The following SEC14L4 variants were observed in gnomAD, a reference collection of about 807,000 sequenced individuals.
SEC14L4 encodes the protein SEC14-like protein 4.
In SEC14L4, 42 loss-of-function variants were observed where a neutral mutation model predicts 55.1. That is an observed-to-expected ratio of 0.76 (90% CI 0.60 to 0.99). SEC14L4 has a LOEUF of 0.99. SEC14L4 is among the 50% of genes least tolerant of loss of function. The pLI is 0.00. For synonymous variants in SEC14L4, 206 were observed against 206.8 expected, an observed-to-expected ratio of 1.00 and a Z score of 0.03; for missense variants, 445 against 512.1, an observed-to-expected ratio of 0.87 and a Z score of 1.27.
Position 30,494,849 on chromosome 22 carries a change from C to G in SEC14L4, c.519+17G>C. The G allele has an allele frequency of 6.3e-7, 1 of 1,591,454 alleles. No homozygotes were observed. The highest frequency in any genetic ancestry group is 1.1e-5 in the South Asian group (1 of 90,500). ...AGCCACTGCCCACACCAGCCCCAAG[C>G]CAGCCACCCACCTTACCTGCTGGTA... On this transcript the variant is annotated intron_variant, in intron 6 of 11. Transcript: ENST00000255858.
intron 2 of SEC14L4, among the ~76,000 whole-genome samples, chr22:30,498,401 C>T (rs553977446): frequency 5.3e-5 from 8 of 152,158 alleles, no homozygotes; most frequent in African/African-American, 1.4e-4. Flanking sequence ...ATGCCCTGCC[C>T]GCTACTGATT....
intron 11 of SEC14L4, 158 bp from the exon 12 acceptor site, chr22:30,490,404 TG>T (rs1734147782): frequency 8.1e-6 from 10 of 1,234,128 alleles, no homozygotes; most frequent in Non-Finnish European, 1.1e-5. Flanking sequence ...TCCAGGACAG[TG>T]GGTGGGGCCT....
At position 30,494,211 on chromosome 22, in the gene SEC14L4, C is replaced by T; in HGVS notation, c.520-1G>A. 1.9e-6 allele frequency: 3 copies of T among 1,613,016 alleles called. No individual in the cohort carries two copies. Among genetic ancestry groups the T allele is most frequent in the Non-Finnish European group, 2.5e-6 (3 of 1,178,976 alleles). On this transcript the variant is annotated splice_acceptor_variant, in intron 6 of 11. Transcript: ENST00000255858. LOFTEE classifies it high-confidence loss of function. ...AATTTGCTTCCAGGATGCTAAAAAA[C>T]TGTGGAGTCAAGATGAGTCTGGTTG...
Position 30,505,657 on chromosome 22 carries a change from C to T in SEC14L4, c.-46G>A, listed in dbSNP as rs1338232043. On this transcript the variant is annotated 5_prime_UTR_variant, in exon 1 of 12. Transcript: ENST00000255858. ...GGCTCAGGGCGCAGGTCCGCCCGCC[C>T]GCCGCCGCCTGGCCTTGTATCCGCT... 3 of 1,501,568 alleles carry T rather than the reference C, an allele frequency of 2.0e-6. No homozygotes were observed. The highest frequency in any genetic ancestry group is 2.1e-5 in the Admixed American group (1 of 48,334). The allele number at this position is 1,501,568 out of a possible 1,614,324, so 93.0% of individuals were successfully genotyped here. A position where few individuals can be genotyped will look rare whatever the true frequency, so the allele number is the denominator to read the frequency against.
intron 2 of SEC14L4, among the ~76,000 whole-genome samples, chr22:30,503,260 GTTTT>G (rs1382473626): frequency 6.7e-6 from 1 of 149,872 alleles, no homozygotes; most frequent in Admixed American, 6.7e-5. Flanking sequence ...TGTGTTTTTT[GTTTT>G]TTTGTTTTTT....
At position 30,495,191 on chromosome 22, in the gene SEC14L4, C is replaced by T. The variant is rs545926407; in HGVS notation, c.423+63G>A. 1.3e-5 allele frequency: 19 copies of T among 1,455,290 alleles called. No individual in the cohort carries two copies. The South Asian group carries it at 2.3e-4, about 18-fold the overall frequency. 90.1% of individuals were successfully genotyped at this position (1,455,290 alleles called of 1,614,324 possible). A position where few individuals can be genotyped will look rare whatever the true frequency, so the allele number is the denominator to read the frequency against. On this transcript the variant is annotated intron_variant, in intron 5 of 11. Transcript: ENST00000255858. ...GGGCTGGGGAGGGGCAGGGTGCCACCCTTCTCTGGTCCTGGTGCCACCCTG... is the reference window on the plus strand; with the variant it reads ...GGGCTGGGGAGGGGCAGGGTGCCACTCTTCTCTGGTCCTGGTGCCACCCTG...
intron 8 of SEC14L4, 154 bp from the exon 9 acceptor site, chr22:30,492,309 GC>G: frequency 8.4e-7 from 1 of 1,186,396 alleles, no homozygotes; most frequent in African/African-American, 1.5e-5. Flanking sequence ...GTGGCTCCCA[GC>G]CCACGGTCTA....
chr22:30,492,334 T>A, intron 8 of SEC14L4, 140 bp downstream of exon 8: 1 of 1,121,708 alleles, frequency 8.9e-7, no homozygotes, highest in Non-Finnish European at 1.3e-6. Flanking sequence ...CCCAAGGCAT[T>A]GCCCGTGCGT....
Position 30,495,344 on chromosome 22 carries a change from G to A in SEC14L4, c.333C>T (p.Leu111=). ...TATCCTGCTTGGAGGCTGACAGCAGGAGACCCTTGGGGTCGAGGGACCCAA... is the reference window on the plus strand; with the variant it reads ...TATCCTGCTTGGAGGCTGACAGCAGAAGACCCTTGGGGTCGAGGGACCCAA... ...NIIGSLDPKG[L]LLSASKQDMI... The change falls in exon 5 of 12, where the codon CTC becomes CTT. Residue 111 remains leucine (L), a synonymous_variant. Transcript: ENST00000255858. 1 of 1,614,116 alleles carries A rather than the reference G, an allele frequency of 6.2e-7. No individual in the cohort carries two copies.
chr22:30,500,100 C>A (rs1310063886), intron 2 of SEC14L4, among the ~76,000 whole-genome samples: 1 of 152,076 alleles, frequency 6.6e-6, no homozygotes, highest in Non-Finnish European at 1.5e-5. Context: ...GAACTCCCGA[C>A]CTCAGGTGAT....
At chr22:30,494,661 C>T (rs765986135) in intron 6 of SEC14L4, among the ~76,000 whole-genome samples, 1 of 152,176 alleles carries the variant, frequency 6.6e-6, no homozygotes, top group Non-Finnish European at 1.5e-5. Flanking sequence ...AGGCGTGAGC[C>T]ACCACGCCTG....
At chr22:30,497,021 T>G (rs1027409847) in intron 2 of SEC14L4, among the ~76,000 whole-genome samples, 5 of 152,154 alleles carry the variant, frequency 3.3e-5, no homozygotes, top group Non-Finnish European at 5.9e-5. Context: ...AGGCCTCCTC[T>G]GCTCTGATCA....
Position 30,492,466 on chromosome 22 carries a change from T to C in SEC14L4, c.664+8A>G. 1.9e-6 allele frequency: 3 copies of C among 1,612,166 alleles called. No homozygotes were observed. In the South Asian group the frequency reaches 3.3e-5, roughly 18 times the overall value. On this transcript the variant is annotated splice_region_variant and intron_variant, in intron 8 of 11. Coordinates refer to ENST00000255858, the MANE Select transcript of SEC14L4 (RefSeq NM_174977.4). ...AGATGGACACAACCAGGGGGCCACG[T>C]CGCTCACCTCCCAGAATCACAATCT...
At chr22:30,495,173 G>A (rs1327776429) in intron 5 of SEC14L4, 81 bp downstream of exon 5, 3 of 1,347,822 alleles carry the variant, frequency 2.2e-6, no homozygotes, top group Non-Finnish European at 3.0e-6. Context: ...TGAGGGCTGG[G>A]GAGGGGCAGG....
chr22:30,503,567 T>A, intron 2 of SEC14L4, 110 bp downstream of exon 2: 1 of 693,038 alleles, frequency 1.4e-6, no homozygotes, highest in Non-Finnish European at 2.4e-6. Flanking sequence ...CCGGCAAGCC[T>A]GTGTTCTTTA....
chr22:30,491,592 G>A lies in SEC14L4; in HGVS notation c.1062C>T (p.Thr354=), dbSNP rs1187412600. 2.2e-5 allele frequency: 36 copies of A among 1,614,030 alleles called. No homozygotes were observed. Among genetic ancestry groups the A allele is most frequent in the Non-Finnish European group, 3.0e-5 (35 of 1,180,010 alleles). ...TCTTACAGACGCCAGCCTGGAGGCA[G>A]GTGAGGCTCCCATCCTCAGGCACCA... The part of the protein sequence containing the change: ...AHMVPEDGSL[T]CLQAGVYVLR... Residue 354 remains threonine (T), a synonymous_variant, in exon 11 of 12, where the codon ACC becomes ACT. Coordinates refer to ENST00000255858, the MANE Select transcript of SEC14L4 (RefSeq NM_174977.4).
intron 4 of SEC14L4, 67 bp downstream of exon 4, chr22:30,495,516 G>A (rs776320569): frequency 5.5e-5 from 88 of 1,607,718 alleles, no homozygotes; most frequent in Non-Finnish European, 7.0e-5. Context: ...GTGGCTGGAC[G>A]TGGTAGGTGG....
In SEC14L4 at chr22:30,505,561, G is replaced by C; in HGVS notation, c.51C>G (p.Ala17=). ...DLSPQQQEAL[A]RFRENLQDLL... ...CCCAGCCCGCGATGCTCCTCACCCT[G>C]GCCAGCGCTTCCTGCTGCTGGGGGC... The change falls in exon 1 of 12, where the codon GCC becomes GCG. Residue 17 remains alanine (A), a synonymous_variant. Transcript: ENST00000255858. 1.3e-6 allele frequency: 2 copies of C among 1,567,356 alleles called. No individual in the cohort carries two copies. Among genetic ancestry groups the C allele is most frequent in the Non-Finnish European group, 1.7e-6 (2 of 1,158,246 alleles).
At position 30,490,184 on chromosome 22, in the gene SEC14L4, C is replaced by A. The variant is rs756154375; in HGVS notation, c.1144G>T (p.Glu382Ter). Reference sequence around the variant, plus strand: ...GAGGCCTTGTCGGGAAGCAGCACCTCCACAGTGTAGCTGAGCTTCTTGGCA... The same window carrying A: ...GAGGCCTTGTCGGGAAGCAGCACCTACACAGTGTAGCTGAGCTTCTTGGCA... The part of the protein sequence containing the change: ...MHAKKLSYTV[E>*]VLLPDKASEE... The change falls in exon 12 of 12, where the codon GAG (glutamate) becomes TAG (stop). Residue 382 changes from glutamate to a stop codon, truncating the protein, a stop_gained. Transcript: ENST00000255858. LOFTEE classifies it low-confidence loss of function (END_TRUNC). The A allele has an allele frequency of 1.8e-5, 29 of 1,614,164 alleles. No homozygotes were observed. In the South Asian group the frequency reaches 3.2e-4, roughly 18 times the overall value.
Sources: allele counts gnomAD v4.1 joint callset (sites outside exome capture counted in the v4.1 genomes callset), GRCh38; gene constraint gnomAD v4.1.1; transcripts MANE v1.5; gene names NCBI Gene and HGNC (gene_info 2026-07-23, HGNC 2026-07-21).